The following OPRM1 variants were observed in gnomAD, a reference collection of about 807,000 sequenced individuals.
The protein encoded by OPRM1 is mu-type opioid receptor.
A neutral mutation model predicts 31.8 loss-of-function variants in OPRM1; 27 were observed. The observed-to-expected ratio is 0.85, with a 90% CI of 0.63 to 1.17. The LOEUF is 1.17. Among genes scored for constraint, OPRM1 ranks in the 50% most tolerant of loss-of-function variants. The probability of loss-of-function intolerance (pLI) is 0.00; values close to 1 mark genes in which losing one functional copy is unlikely to be tolerated. For synonymous variants in OPRM1, 196 were observed against 189.9 expected (o/e 1.03, Z -0.26); for missense variants, 536 against 511.1 (o/e 1.05, Z -0.47).
intron 3 of OPRM1, among the ~76,000 whole-genome samples, chr6:154,102,982 C>A (rs781781808): frequency 6.7e-6 from 1 of 150,266 alleles, no homozygotes; most frequent in East Asian, 1.9e-4. Flanking sequence ...ATTCTTCAAC[C>A]CTTATATTAC....
At chr6:154,232,732 G>A (rs2128628137) in intron 3 of OPRM1, among the ~76,000 whole-genome samples, 1 of 152,250 alleles carries the variant, frequency 6.6e-6, no homozygotes, top group South Asian at 2.1e-4. Context: ...ATCCGAGGCA[G>A]AGTACTTAAC....
At chr6:154,137,974 G>C (rs1250969481) in intron 3 of OPRM1, among the ~76,000 whole-genome samples, 3 of 152,108 alleles carry the variant, frequency 2.0e-5, no homozygotes, top group Non-Finnish European at 4.4e-5. Context: ...ACTAACATGG[G>C]GCATAATGCT....
At chr6:154,195,151 T>C (rs1176703249) in intron 3 of OPRM1, among the ~76,000 whole-genome samples, 39 of 145,216 alleles carry the variant, frequency 2.7e-4, no homozygotes, top group Middle Eastern at 3.5e-3. Context: ...TTCTTTCTTT[T>C]TTTTTTTTTT....
upstream of OPRM1, among the ~76,000 whole-genome samples, chr6:154,036,666 T>C (rs1779315086): frequency 2.0e-5 from 3 of 151,978 alleles, no homozygotes; most frequent in African/African-American, 7.2e-5. Context: ...ACGTCTTCAT[T>C]AAGGTTTTCC....
intron 1 of OPRM1, among the ~76,000 whole-genome samples, chr6:154,064,456 A>T (rs780258518): frequency 6.6e-6 from 1 of 152,062 alleles, no homozygotes; most frequent in African/African-American, 2.4e-5. Context: ...TACTACATGG[A>T]TAGTGTCCTT....
chr6:154,039,949 C>A, intron 1 of OPRM1, 115 bp downstream of exon 1: 8 of 898,666 alleles, frequency 8.9e-6, no homozygotes, highest in Admixed American at 2.8e-5. Context: ...GGGAGGTAAA[C>A]TGGGGGGACT....
intron 1 of OPRM1, among the ~76,000 whole-genome samples, chr6:154,051,096 A>T (rs1005226158): frequency 6.6e-6 from 1 of 152,218 alleles, no homozygotes; most frequent in Non-Finnish European, 1.5e-5. Context: ...CTGAAGTCTT[A>T]TGCTTTTTTC....
intron 3 of OPRM1, among the ~76,000 whole-genome samples, chr6:154,226,584 A>C (rs1257098823): frequency 1.3e-5 from 2 of 152,122 alleles, no homozygotes; most frequent in East Asian, 3.9e-4. Flanking sequence ...TGCCTCCTTC[A>C]ACTTACCTTT....
In OPRM1 at chr6:154,119,066, A is replaced by G. The variant is rs1797161535; in HGVS notation, c.*345A>G. On this transcript the variant is annotated 3_prime_UTR_variant, in exon 4 of 4. Transcript: ENST00000330432. Reference sequence around the variant, plus strand: ...TTTCAAGCAAATATTTATGACCTCAACAAAGAAGAACCATCTTTTGTTAAG... The same window carrying G: ...TTTCAAGCAAATATTTATGACCTCAGCAAAGAAGAACCATCTTTTGTTAAG... The G allele has an allele frequency of 1.9e-6, 2 of 1,037,086 alleles. No individual in the cohort carries two copies. Among genetic ancestry groups the G allele is most frequent in the Non-Finnish European group, 2.3e-6 (2 of 863,162 alleles). The allele number at this position is 1,037,086 out of a possible 1,614,324, so 64.2% of individuals were successfully genotyped here.
chr6:154,044,552 T>C (rs1485039083), intron 1 of OPRM1, among the ~76,000 whole-genome samples: 1 of 152,142 alleles, frequency 6.6e-6, no homozygotes, highest in Non-Finnish European at 1.5e-5. Flanking sequence ...AAATTATTTG[T>C]AAAAATTTAT....
intron 3 of OPRM1, among the ~76,000 whole-genome samples, chr6:154,111,964 A>C (rs142169894): frequency 6.6e-6 from 1 of 152,064 alleles, no homozygotes; most frequent in Admixed American, 6.6e-5. Flanking sequence ...ACGGGGTTTC[A>C]CTGTGTTAGC....
rs139842709 is a variant in OPRM1 at position 154,129,124 on chromosome 6, G to T, written c.*10403G>T. ...CTGTCTCAAAATCCAAGCTCCCTGA[G>T]TACACAATTTCTGTCCCTTTTAAGG... On this transcript the variant is annotated 3_prime_UTR_variant, in exon 4 of 4. Coordinates refer to ENST00000330432, the MANE Select transcript of OPRM1 (RefSeq NM_000914.5). 4.2e-4 allele frequency among the ~76,000 whole-genome samples: 64 copies of T among 152,270 alleles called. No homozygotes were observed. In the East Asian group the frequency reaches 8.7e-3, roughly 21 times the overall value.
chr6:154,168,659 G>C lies in OPRM1; in HGVS notation c.1164+77187G>C, dbSNP rs1355290756. ...TTACTGCTGTTGCCCAGGCTAAAGT[G>C]AAATGGCACAATCTTGGCTCACTGA... On this transcript the variant is annotated intron_variant, in intron 3 of 3. Coordinates refer to the OPRM1 transcript ENST00000337049. This position sits in a 1 kb window ranked among gnomAD's most constrained non-coding sequence, Gnocchi z 4.1. 6.6e-6 allele frequency among the ~76,000 whole-genome samples: 1 copy of C among 151,890 alleles called. No homozygotes were observed. The highest frequency in any genetic ancestry group is 6.6e-5 in the Admixed American group (1 of 15,264).
intron 1 of OPRM1, among the ~76,000 whole-genome samples, chr6:154,084,126 C>A (rs893046423): frequency 1.3e-5 from 2 of 152,032 alleles, no homozygotes; most frequent in South Asian, 4.2e-4. Flanking sequence ...CCTTTCCCGT[C>A]GCAGGATTCA....
chr6:154,222,734 C>G (rs184950305), intron 3 of OPRM1, among the ~76,000 whole-genome samples: 3 of 152,294 alleles, frequency 2.0e-5, no homozygotes, highest in Admixed American at 1.3e-4. Flanking sequence ...TAAGACATCT[C>G]AGAAAATTCA....
chr6:154,152,345 AAGGAAAG>A (rs1477210751), intron 3 of OPRM1, among the ~76,000 whole-genome samples: 4 of 13,432 alleles, frequency 3.0e-4, no homozygotes, highest in African/African-American at 7.4e-4. Context: ...GAAAGAAAGA[AAGGAAAG>A]AAAGAAAGAA....
In OPRM1 at chr6:154,226,052, A is replaced by G. The variant is rs1006185834; in HGVS notation, c.1165-20641A>G. 3.9e-5 allele frequency among the ~76,000 whole-genome samples: 6 copies of G among 151,916 alleles called. No homozygotes were observed. In the East Asian group the frequency reaches 1.2e-3, roughly 29 times the overall value. ...TGCTGCTCCCCTTTTTCCTCTAACT[A>G]TGCCTTCTTCTCTTTCAGGGGTCTT... On this transcript the variant is annotated intron_variant, in intron 3 of 3. Coordinates refer to the OPRM1 transcript ENST00000337049.
upstream of OPRM1, among the ~76,000 whole-genome samples, chr6:154,034,304 G>C (rs561813904): frequency 3.9e-5 from 6 of 152,204 alleles, no homozygotes; most frequent in Admixed American, 3.3e-4. Context: ...CAGCACTTTG[G>C]GAGGCTGAGG....
At chr6:154,234,273 G>A (rs1039647680) in intron 3 of OPRM1, among the ~76,000 whole-genome samples, 1 of 152,142 alleles carries the variant, frequency 6.6e-6, no homozygotes, top group Non-Finnish European at 1.5e-5. Flanking sequence ...TGCGGTACAT[G>A]TTTTTCACAG....
Sources: allele counts gnomAD v4.1 joint callset (sites outside exome capture counted in the v4.1 genomes callset), GRCh38; gene constraint gnomAD v4.1.1; non-coding constraint Gnocchi (gnomAD v3.1); transcripts MANE v1.5; gene names NCBI Gene and HGNC (gene_info 2026-07-23, HGNC 2026-07-21).